The following CCSER1 variants were observed in gnomAD, a reference collection of about 807,000 sequenced individuals.
CCSER1 encodes the protein coiled-coil serine rich protein 1.
In CCSER1, 41 loss-of-function variants were observed where a neutral mutation model predicts 82.0. The ratio of observed to expected loss-of-function variants is 0.50; its 90% confidence interval spans 0.39 to 0.65. The LOEUF (loss-of-function observed/expected upper bound fraction) is 0.65. Ranked by LOEUF, CCSER1 falls within the 30% of genes least tolerant of loss-of-function variation. The pLI, the probability that CCSER1 is intolerant of heterozygous loss-of-function variation, is 0.00. For missense variants in CCSER1, 1,119 were observed against 1,064.2 expected (o/e 1.05, Z -0.72); for synonymous variants, 414 against 383.9 (o/e 1.08, Z -0.92).
At chr4:91,432,378 C>T (rs773414449) in intron 10 of CCSER1, among the ~76,000 whole-genome samples, 23 of 152,142 alleles carry the variant, frequency 1.5e-4, no homozygotes, top group Non-Finnish European at 2.9e-4. Flanking sequence ...GAATAACTCT[C>T]GATGTGTGTA....
intron 7 of CCSER1, among the ~76,000 whole-genome samples, chr4:90,807,102 C>T (rs1479199978): frequency 6.6e-6 from 1 of 151,988 alleles, no homozygotes; most frequent in African/African-American, 2.4e-5. Context: ...CAGAAATTTC[C>T]ATGGGACTAA....
chr4:90,798,430 G>A (rs970078851), intron 7 of CCSER1, among the ~76,000 whole-genome samples: 3 of 151,206 alleles, frequency 2.0e-5, no homozygotes, highest in Non-Finnish European at 4.4e-5. Flanking sequence ...TACTCTTGTA[G>A]CTCAGTGATC....
At chr4:90,658,208 C>A (rs1730080726) in intron 6 of CCSER1, among the ~76,000 whole-genome samples, 1 of 152,052 alleles carries the variant, frequency 6.6e-6, no homozygotes, top group Admixed American at 6.6e-5. Context: ...TTATTTGATT[C>A]CATCTCCTTG....
At chr4:90,555,045 T>C (rs1397367805) in intron 5 of CCSER1, among the ~76,000 whole-genome samples, 1 of 152,162 alleles carries the variant, frequency 6.6e-6, no homozygotes, top group Non-Finnish European at 1.5e-5. Context: ...CTTAACTAAT[T>C]ACCATGTTCT....
At chr4:90,260,127 T>C (rs1343337348) in intron 1 of CCSER1, among the ~76,000 whole-genome samples, 1 of 152,098 alleles carries the variant, frequency 6.6e-6, no homozygotes, top group African/African-American at 2.4e-5. Flanking sequence ...TTAAAATTAT[T>C]GATTCAGTCT....
intron 7 of CCSER1, among the ~76,000 whole-genome samples, chr4:90,785,101 A>T (rs1411129242): frequency 6.6e-6 from 1 of 152,148 alleles, no homozygotes; most frequent in Non-Finnish European, 1.5e-5. Context: ...CAGTGGCATG[A>T]TCTCAGCTCA....
At chr4:90,198,508 G>T (rs993927111) in intron 1 of CCSER1, among the ~76,000 whole-genome samples, 4 of 152,070 alleles carry the variant, frequency 2.6e-5, no homozygotes, top group Non-Finnish European at 5.9e-5. Context: ...TAAACTTTCT[G>T]TATCATGGTG....
intron 5 of CCSER1, among the ~76,000 whole-genome samples, chr4:90,499,542 A>G (rs1457904417): frequency 1.3e-5 from 2 of 152,154 alleles, no homozygotes; most frequent in Non-Finnish European, 2.9e-5. Flanking sequence ...TGTGATTAAT[A>G]TCAATATATA....
intron 4 of CCSER1, among the ~76,000 whole-genome samples, chr4:90,434,516 T>C (rs1245422836): frequency 6.6e-6 from 1 of 152,112 alleles, no homozygotes; most frequent in Non-Finnish European, 1.5e-5. Flanking sequence ...ACTTCAAAAA[T>C]ATAACATTTG....
At chr4:91,363,577 T>C (rs1023967149) in intron 10 of CCSER1, among the ~76,000 whole-genome samples, 1 of 151,748 alleles carries the variant, frequency 6.6e-6, no homozygotes, top group African/African-American at 2.4e-5. Flanking sequence ...TCTGTCTGTC[T>C]CTAATGAAGT....
Position 91,149,229 on chromosome 4 carries a change from C to G in CCSER1, c.2217+63235C>G, listed in dbSNP as rs558960513. ...GTTTTGATTTGCATTTCTCTGATGG[C>G]CAGTGATGATGAGCATTTGTTCATG... On this transcript the variant is annotated intron_variant, in intron 10 of 10. Transcript: ENST00000509176. Among the ~76,000 whole-genome samples the G allele has an allele frequency of 3.0e-3, 457 of 152,238 alleles. 2 individuals are homozygous for G. The highest frequency in any genetic ancestry group is 0.01 in the African/African-American group (424 of 41,544).
chr4:90,864,413 T>C (rs1351736334), intron 8 of CCSER1, among the ~76,000 whole-genome samples: 1 of 151,980 alleles, frequency 6.6e-6, no homozygotes, highest in Non-Finnish European at 1.5e-5. Context: ...CTTTCCTGAA[T>C]GGATTCATGT....
At chr4:90,839,421 G>A (rs1008106047) in intron 8 of CCSER1, among the ~76,000 whole-genome samples, 2 of 152,194 alleles carry the variant, frequency 1.3e-5, no homozygotes, top group South Asian at 4.1e-4. Context: ...AACTAAATAT[G>A]GGATAGGGCA....
intron 10 of CCSER1, among the ~76,000 whole-genome samples, chr4:91,148,340 T>G (rs950800415): frequency 2.0e-5 from 3 of 151,876 alleles, no homozygotes; most frequent in African/African-American, 7.3e-5. Context: ...CCACGCAGAG[T>G]TTTCGAAGCT....
At chr4:90,747,603 G>T (rs2149467227) in intron 7 of CCSER1, among the ~76,000 whole-genome samples, 1 of 151,686 alleles carries the variant, frequency 6.6e-6, no homozygotes, top group South Asian at 2.1e-4. Flanking sequence ...GGTTTTGCCT[G>T]ATGTTTCTTC....
intron 8 of CCSER1, among the ~76,000 whole-genome samples, chr4:90,822,930 T>A (rs1261927044): frequency 6.6e-6 from 1 of 152,122 alleles, no homozygotes; most frequent in African/African-American, 2.4e-5. Context: ...TCTTCCTCTG[T>A]TTACTAACAT....
At chr4:91,300,610 T>C (rs1331637596) in intron 10 of CCSER1, among the ~76,000 whole-genome samples, 1 of 151,942 alleles carries the variant, frequency 6.6e-6, no homozygotes, top group Non-Finnish European at 1.5e-5. Flanking sequence ...AGGGATACTA[T>C]TTAAAAATAC....
intron 7 of CCSER1, among the ~76,000 whole-genome samples, chr4:90,750,499 G>T (rs17244178): frequency 6.6e-6 from 1 of 151,952 alleles, no homozygotes; most frequent in Non-Finnish European, 1.5e-5. Context: ...TACACTGCTG[G>T]CTCAGGTTTC....
At chr4:90,212,360 G>A (rs893759189) in intron 1 of CCSER1, among the ~76,000 whole-genome samples, 1 of 152,044 alleles carries the variant, frequency 6.6e-6, no homozygotes, top group Admixed American at 6.5e-5. Flanking sequence ...TTTTCATCTT[G>A]AAATATATAT....
Sources: gnomAD v4.1 joint callset for allele counts (sites outside exome capture counted in the v4.1 genomes callset) on GRCh38, gnomAD v4.1.1 for gene constraint, MANE v1.5 for transcripts, NCBI Gene and HGNC (gene_info 2026-07-23, HGNC 2026-07-21) for gene names.